Variants in FAM135B observed in about 807,000 individuals in gnomAD.
FAM135B encodes the protein family with sequence similarity 135 member B.
In FAM135B, 43 loss-of-function variants were observed where a neutral mutation model predicts 127.7. The observed-to-expected ratio is 0.34, with a 90% CI of 0.26 to 0.43. The LOEUF (loss-of-function observed/expected upper bound fraction) is 0.43, where lower values mean the gene tolerates loss of function less well. Among genes scored for constraint, FAM135B ranks in the 20% least tolerant of loss-of-function variants. FAM135B has a pLI of 1.00. For missense variants in FAM135B, 1,558 were observed against 1,725.6 expected (o/e 0.90, Z 1.72); for synonymous variants, 670 against 665.1 (o/e 1.01, Z -0.11).
chr8:138,196,735 A>G (rs1013030868), intron 8 of FAM135B, among the ~76,000 whole-genome samples: 1 of 152,150 alleles, frequency 6.6e-6, no homozygotes, highest in Non-Finnish European at 1.5e-5. Flanking sequence ...TCTAGAGTCA[A>G]TGAGGCCTTA....
chr8:138,359,594 C>T lies in FAM135B; in HGVS notation c.77+8313G>A, dbSNP rs562098745. 1.4e-4 allele frequency among the ~76,000 whole-genome samples: 21 copies of T among 152,252 alleles called. No homozygotes were observed. In the South Asian group the frequency reaches 2.5e-3, roughly 18 times the overall value. The stretch of plus-strand genomic sequence containing the variant: ...TGCAGCTCTCAAATATTTATAATTC[C>T]CACTCACTTTCAAAAGTGTGGGAAT... On this transcript the variant is annotated intron_variant, in intron 2 of 19. Transcript: ENST00000395297.
chr8:138,244,669 G>C (rs1360415893), intron 6 of FAM135B, among the ~76,000 whole-genome samples: 1 of 152,226 alleles, frequency 6.6e-6, no homozygotes, highest in African/African-American at 2.4e-5. Flanking sequence ...AAGATGGATA[G>C]AAGGAACATT....
chr8:138,245,588 C>T (rs539854411), intron 6 of FAM135B, among the ~76,000 whole-genome samples: 6 of 152,150 alleles, frequency 3.9e-5, no homozygotes, highest in Admixed American at 6.5e-5. Flanking sequence ...ACCTCTGCCC[C>T]GCAGAACTGT....
chr8:138,286,702 G>A (rs1212089875), intron 3 of FAM135B, among the ~76,000 whole-genome samples: 1 of 152,206 alleles, frequency 6.6e-6, no homozygotes, highest in African/African-American at 2.4e-5. Context: ...GCCATTTTAA[G>A]GCCCAAGACT....
chr8:138,443,978 CA>C (rs1419045515), intron 1 of FAM135B, among the ~76,000 whole-genome samples: 7 of 151,702 alleles, frequency 4.6e-5, no homozygotes, highest in South Asian at 2.1e-4. Context: ...AAATGGAAAA[CA>C]AAAAAGGGCA....
chr8:138,411,726 C>G (rs1260210636), intron 1 of FAM135B, among the ~76,000 whole-genome samples: 1 of 152,100 alleles, frequency 6.6e-6, no homozygotes, highest in East Asian at 1.9e-4. Flanking sequence ...AAAATTTTCG[C>G]AACCTACTCA....
At chr8:138,445,809 T>A (rs1307195325) in intron 1 of FAM135B, among the ~76,000 whole-genome samples, 1 of 152,074 alleles carries the variant, frequency 6.6e-6, no homozygotes, top group Non-Finnish European at 1.5e-5. Flanking sequence ...GCCAGGACAA[T>A]CAGGCAGGAG....
intron 2 of FAM135B, among the ~76,000 whole-genome samples, chr8:138,334,229 C>G (rs1828388638): frequency 6.6e-6 from 1 of 152,118 alleles, no homozygotes; most frequent in South Asian, 2.1e-4. Context: ...GGCCCCATCT[C>G]TCTCTTATTG....
intron 1 of FAM135B, among the ~76,000 whole-genome samples, chr8:138,432,405 A>T (rs545142247): frequency 1.2e-4 from 19 of 152,102 alleles, no homozygotes; most frequent in Admixed American, 1.0e-3. Context: ...CATGGTCTCC[A>T]CTACTCCAAG....
At chr8:138,428,426 T>C (rs1835017913) in intron 1 of FAM135B, among the ~76,000 whole-genome samples, 1 of 152,112 alleles carries the variant, frequency 6.6e-6, no homozygotes, top group African/African-American at 2.4e-5. Context: ...AACATAATTG[T>C]GATTTCTCTG....
chr8:138,139,417 T>A (rs1337877169), intron 17 of FAM135B, among the ~76,000 whole-genome samples: 2 of 152,180 alleles, frequency 1.3e-5, no homozygotes, highest in Admixed American at 6.5e-5. Context: ...GAAAAGAATA[T>A]AAAATGATCC....
intron 2 of FAM135B, among the ~76,000 whole-genome samples, chr8:138,358,056 T>C (rs911865385): frequency 2.0e-5 from 3 of 152,124 alleles, no homozygotes; most frequent in Admixed American, 6.6e-5. Flanking sequence ...CAAAGGTACA[T>C]CTTACCTGGC....
intron 1 of FAM135B, among the ~76,000 whole-genome samples, chr8:138,484,744 GA>G (rs1040907994): frequency 6.6e-6 from 1 of 150,384 alleles, no homozygotes; most frequent in Admixed American, 6.6e-5. Flanking sequence ...GGGAAAGGAA[GA>G]AAAAAAAAGA....
intron 7 of FAM135B, among the ~76,000 whole-genome samples, chr8:138,207,216 CT>C (rs72229891): frequency 0.022 from 2,963 of 133,932 alleles, 46 homozygotes; most frequent in African/African-American, 0.06. Flanking sequence ...TGAAACAATA[CT>C]TTTTTTTTTT....
At chr8:138,412,464 C>T (rs1408420213) in intron 1 of FAM135B, among the ~76,000 whole-genome samples, 5 of 152,172 alleles carry the variant, frequency 3.3e-5, no homozygotes, top group Admixed American at 1.3e-4. Context: ...ACATCAGATT[C>T]TTCCAACACA....
At chr8:138,262,339 A>G in intron 4 of FAM135B, among the ~76,000 whole-genome samples, 1 of 152,202 alleles carries the variant, frequency 6.6e-6, no homozygotes, top group South Asian at 2.1e-4. Flanking sequence ...CTGCCAGGGT[A>G]GCTCTTTGAG....
intron 7 of FAM135B, among the ~76,000 whole-genome samples, chr8:138,211,024 C>G (rs1818100543): frequency 6.6e-6 from 1 of 152,116 alleles, no homozygotes; most frequent in South Asian, 2.1e-4. Context: ...TGTACCTGAT[C>G]CCAGAGCCAT....
intron 19 of FAM135B, 75 bp downstream of exon 19, chr8:138,137,072 A>G (rs1816724571): frequency 1.3e-6 from 1 of 797,782 alleles, no homozygotes; most frequent in Non-Finnish European, 2.3e-6. Context: ...TGTTCCCAAT[A>G]GGCAGTCAAT....
intron 2 of FAM135B, among the ~76,000 whole-genome samples, chr8:138,363,174 A>C (rs574875699): frequency 3.3e-5 from 5 of 152,284 alleles, no homozygotes; most frequent in African/African-American, 1.2e-4. Context: ...TGGTCATGAC[A>C]ACCTTTTTGG....
Sources: allele counts gnomAD v4.1 joint callset (sites outside exome capture counted in the v4.1 genomes callset), GRCh38; gene constraint gnomAD v4.1.1; transcripts MANE v1.5; gene names NCBI Gene and HGNC (gene_info 2026-07-23, HGNC 2026-07-21).